DGKI: variants seen among roughly 807,000 people sequenced by gnomAD.
DGKI encodes diacylglycerol kinase iota, also known as DAG kinase iota.
Under a neutral mutation model 147.5 loss-of-function variants are expected in DGKI, and 55 were observed. The observed-to-expected ratio is 0.37, with a 90% CI of 0.30 to 0.47. The LOEUF is 0.47. Among genes scored for constraint, DGKI ranks in the 20% least tolerant of loss-of-function variants. DGKI has a pLI of 1.00. For missense variants in DGKI, 1,007 were observed against 1,323.8 expected, an observed-to-expected ratio of 0.76 and a Z score of 3.71; for synonymous variants, 469 against 477.1, an observed-to-expected ratio of 0.98 and a Z score of 0.22.
chr7:137,522,015 G>A, intron 20 of DGKI, 49 bp from the exon 21 acceptor site: 1 of 1,386,488 alleles, frequency 7.2e-7, no homozygotes, highest in Admixed American at 1.8e-5. Flanking sequence ...GAGCGGAATT[G>A]GTAGCCATGC....
chr7:137,586,448 G>C (rs1819400798), intron 13 of DGKI, among the ~76,000 whole-genome samples: 1 of 151,836 alleles, frequency 6.6e-6, no homozygotes, highest in Non-Finnish European at 1.5e-5. Flanking sequence ...AAAAAAAGTT[G>C]GTGGGGCTGT....
chr7:137,707,617 A>T (rs1794078662), intron 1 of DGKI, among the ~76,000 whole-genome samples: 1 of 151,774 alleles, frequency 6.6e-6, no homozygotes, highest in Non-Finnish European at 1.5e-5. Flanking sequence ...GCACCTCTCC[A>T]CCCTCTTTTT....
chr7:137,590,757 A>G (rs1015629974), intron 12 of DGKI, among the ~76,000 whole-genome samples: 1 of 152,040 alleles, frequency 6.6e-6, no homozygotes, highest in African/African-American at 2.4e-5. Context: ...GAGTGGTGCA[A>G]TCTCAGCTCA....
chr7:137,725,344 C>T (rs1427592907), intron 1 of DGKI, among the ~76,000 whole-genome samples: 2 of 152,098 alleles, frequency 1.3e-5, no homozygotes, highest in African/African-American at 4.8e-5. Flanking sequence ...CACCTGGGAC[C>T]GCCTTGACAA....
Position 137,558,758 on chromosome 7 carries a change from A to C in DGKI, c.1948-6190T>G, listed in dbSNP as rs563791727. Among the ~76,000 whole-genome samples, 8 of 129,934 alleles carry C rather than the reference A, an allele frequency of 6.2e-5. No homozygotes were observed. In the East Asian group the frequency reaches 1.8e-3, roughly 29 times the overall value. 85.2% of individuals were successfully genotyped at this position (129,934 alleles called of 152,430 possible). A position where few individuals can be genotyped will look rare whatever the true frequency, so the allele number is the denominator to read the frequency against. ...TGCTGCTACAATCACTTTCAGAACTAGCGTTTTATGAAACTCCTGACCTCA... is the reference window on the plus strand; with the variant it reads ...TGCTGCTACAATCACTTTCAGAACTCGCGTTTTATGAAACTCCTGACCTCA... On this transcript the variant is annotated intron_variant, in intron 19 of 32. Transcript: ENST00000614521.
At chr7:137,513,255 C>G (rs913578552) in intron 21 of DGKI, among the ~76,000 whole-genome samples, 1 of 152,144 alleles carries the variant, frequency 6.6e-6, no homozygotes. Context: ...TCTGGCTGTA[C>G]TCGGGAGAAC....
At chr7:137,672,295 G>A (rs1044854612) in intron 3 of DGKI, among the ~76,000 whole-genome samples, 1 of 152,206 alleles carries the variant, frequency 6.6e-6, no homozygotes, top group African/African-American at 2.4e-5. Flanking sequence ...AAGCAAAGAA[G>A]CCATAAAGCT....
At chr7:137,605,483 A>G (rs1442963817) in intron 10 of DGKI, among the ~76,000 whole-genome samples, 2 of 152,106 alleles carry the variant, frequency 1.3e-5, no homozygotes, top group Non-Finnish European at 2.9e-5. Flanking sequence ...ACCCAGTGTC[A>G]TCGCTACCTT....
intron 28 of DGKI, among the ~76,000 whole-genome samples, chr7:137,434,442 G>A (rs367812231): frequency 1.3e-5 from 2 of 151,882 alleles, no homozygotes; most frequent in African/African-American, 4.8e-5. Context: ...TTACCTGGGC[G>A]TGGTGGTGCA....
At chr7:137,843,278 T>TAAA in intron 1 of DGKI, 1 of 260,856 alleles carries the variant, frequency 3.8e-6, no homozygotes, top group Non-Finnish European at 5.8e-6. Flanking sequence ...TACAGCAGTT[T>TAAA]AAAAAAAAAA....
At chr7:137,532,093 C>T (rs77385684) in intron 20 of DGKI, among the ~76,000 whole-genome samples, 1,586 of 151,610 alleles carry the variant, frequency 0.01, 31 homozygotes, top group African/African-American at 0.036. Context: ...AAAACAGTAG[C>T]CAAAATTCAT....
chr7:137,471,795 A>G (rs1416079108), intron 23 of DGKI, among the ~76,000 whole-genome samples: 1 of 150,502 alleles, frequency 6.6e-6, no homozygotes, highest in Non-Finnish European at 1.5e-5. Flanking sequence ...CTATATTTAT[A>G]AATATAAAAT....
At chr7:137,546,463 G>C (rs974326704) in intron 20 of DGKI, among the ~76,000 whole-genome samples, 13 of 152,172 alleles carry the variant, frequency 8.5e-5, no homozygotes, top group Non-Finnish European at 1.8e-4. Flanking sequence ...ATCTTAAAAA[G>C]AGTGTCTCAA....
At chr7:137,625,574 G>C (rs1563118651) in intron 6 of DGKI, among the ~76,000 whole-genome samples, 1 of 152,044 alleles carries the variant, frequency 6.6e-6, no homozygotes, top group African/African-American at 2.4e-5. Context: ...CCAATTGACA[G>C]CACAGTTAAG....
At chr7:137,392,159 T>G (rs1192427123) in intron 32 of DGKI, among the ~76,000 whole-genome samples, 2 of 152,196 alleles carry the variant, frequency 1.3e-5, no homozygotes, top group African/African-American at 4.8e-5. Context: ...ATCAACATGT[T>G]AAATGATCAT....
At chr7:137,644,734 C>T (rs1821766556) in intron 6 of DGKI, among the ~76,000 whole-genome samples, 1 of 152,216 alleles carries the variant, frequency 6.6e-6, no homozygotes. Context: ...TGGTGAACCA[C>T]ACTATACATA....
intron 1 of DGKI, among the ~76,000 whole-genome samples, chr7:137,777,951 C>T (rs1013669528): frequency 1.3e-5 from 2 of 152,076 alleles, no homozygotes; most frequent in Non-Finnish European, 2.9e-5. Flanking sequence ...CTATTCAGTC[C>T]GTTCACCTTC....
intron 28 of DGKI, among the ~76,000 whole-genome samples, chr7:137,422,595 C>CTT (rs60494368): frequency 0.021 from 1,300 of 61,944 alleles, 262 homozygotes; most frequent in Non-Finnish European, 0.025. Flanking sequence ...TTTTTCTTTT[C>CTT]TTTTTTTTTT....
intron 9 of DGKI, 86 bp downstream of exon 9, chr7:137,609,449 A>G: frequency 9.9e-7 from 1 of 1,009,510 alleles, no homozygotes; most frequent in East Asian, 2.4e-5. Flanking sequence ...AGATCAGAAA[A>G]ATCAACTTGG....
Sources: allele counts gnomAD v4.1 joint callset (sites outside exome capture counted in the v4.1 genomes callset), GRCh38; gene constraint gnomAD v4.1.1; transcripts MANE v1.5; gene names NCBI Gene and HGNC (gene_info 2026-07-23, HGNC 2026-07-21).